Variants in CHN2 observed in about 807,000 individuals in gnomAD.
The protein encoded by CHN2 is beta-chimaerin.
In CHN2, 35 loss-of-function variants were observed where a neutral mutation model predicts 56.3. That is an observed-to-expected ratio of 0.62 (90% CI 0.47 to 0.82). The LOEUF is 0.82. Ranked by LOEUF, CHN2 falls within the 40% of genes least tolerant of loss-of-function variation. The pLI is 0.00. For missense variants in CHN2, 491 were observed against 580.5 expected (o/e 0.85, Z 1.58); for synonymous variants, 210 against 212.8 (o/e 0.99, Z 0.12).
intron 1 of CHN2, among the ~76,000 whole-genome samples, chr7:29,195,665 A>G (rs1783645331): frequency 6.8e-6 from 1 of 147,940 alleles, no homozygotes; most frequent in African/African-American, 2.5e-5. Flanking sequence ...AGAGAGAGAG[A>G]GAGACTCCTT....
In CHN2 at chr7:29,367,908, C is replaced by G. The variant is rs748783720; in HGVS notation, c.89-24C>G. 4 of 1,596,188 alleles carry G rather than the reference C, an allele frequency of 2.5e-6. No homozygotes were observed. In the South Asian group the frequency reaches 3.4e-5, roughly 13 times the overall value. On this transcript the variant is annotated intron_variant, in intron 2 of 12. Transcript: ENST00000222792. The stretch of plus-strand genomic sequence containing the variant: ...GTATTCTAATTCTAATTATTTCTCT[C>G]TCTCTCTCTCTCTTTTTTGGCAGTA...
At chr7:29,457,310 C>G (rs750357526) in intron 6 of CHN2, among the ~76,000 whole-genome samples, 3 of 152,124 alleles carry the variant, frequency 2.0e-5, no homozygotes, top group Non-Finnish European at 2.9e-5. Context: ...CAGAGAGTCA[C>G]GTCTGTGCTC....
In CHN2 at chr7:29,195,117, G is replaced by A. The variant is rs113736649; in HGVS notation, c.49+127G>A. The A allele has an allele frequency of 8.3e-4, 814 of 978,180 alleles. 5 individuals carry two copies. In the African/African-American group the frequency reaches 0.012, roughly 14 times the overall value. 60.6% of individuals were successfully genotyped at this position (978,180 alleles called of 1,614,324 possible). A position where few individuals can be genotyped will look rare whatever the true frequency, so the allele number is the denominator to read the frequency against. On this transcript the variant is annotated intron_variant, in intron 1 of 12. Coordinates refer to ENST00000222792, the MANE Select transcript of CHN2 (RefSeq NM_004067.4). ...CCGCTCTCTCGGAATGGGGGCAGGC[G>A]TCCGGGGTGATACTTGTTTGGTTCG...
chr7:29,407,793 A>G (rs1207270969), intron 6 of CHN2, among the ~76,000 whole-genome samples: 1 of 152,152 alleles, frequency 6.6e-6, no homozygotes, highest in African/African-American at 2.4e-5. Context: ...AGAATTCCCT[A>G]ATGATTTGGG....
chr7:29,229,196 G>A (rs376758270), intron 1 of CHN2, among the ~76,000 whole-genome samples: 1 of 152,168 alleles, frequency 6.6e-6, no homozygotes, highest in East Asian at 1.9e-4. Context: ...TGACAAAAGA[G>A]TAGCAGCTAG....
At chr7:29,471,360 G>C (rs1436074070) in intron 6 of CHN2, among the ~76,000 whole-genome samples, 2 of 152,282 alleles carry the variant, frequency 1.3e-5, no homozygotes, top group Admixed American at 6.5e-5. Flanking sequence ...TATCTAAAAA[G>C]TCTGTGAGAA....
At chr7:29,265,904 G>C (rs1243047558) in intron 1 of CHN2, among the ~76,000 whole-genome samples, 1 of 152,186 alleles carries the variant, frequency 6.6e-6, no homozygotes, top group Non-Finnish European at 1.5e-5. Context: ...GTCACCTCAA[G>C]AAGACCCAGT....
At chr7:29,506,624 G>A (rs1391696995) in intron 10 of CHN2, among the ~76,000 whole-genome samples, 1 of 152,148 alleles carries the variant, frequency 6.6e-6, no homozygotes, top group Non-Finnish European at 1.5e-5. Flanking sequence ...GCTACAGAGT[G>A]AGATTCTGTC....
In CHN2 at chr7:29,264,183, T is replaced by C. The variant is rs572314048; in HGVS notation, c.49+69193T>C. ...GGGGGCCCCCTCTGCCTGGCCGCCC[T>C]GTCTGGGAAGTGAGGAGCCCCTCTG... On this transcript the variant is annotated intron_variant, in intron 1 of 12. Transcript: ENST00000222792. Among the ~76,000 whole-genome samples, 58 of 117,740 alleles carry C rather than the reference T, an allele frequency of 4.9e-4. 1 individual carries two copies. In the East Asian group the frequency reaches 0.017, roughly 35 times the overall value. 77.2% of individuals were successfully genotyped at this position (117,740 alleles called of 152,430 possible). A position where few individuals can be genotyped will look rare whatever the true frequency, so the allele number is the denominator to read the frequency against.
chr7:29,400,696 A>G lies in CHN2; in HGVS notation c.444A>G (p.Thr148=). The change falls in exon 6 of 13, where the codon ACA becomes ACG. Residue 148 remains threonine (T), a synonymous_variant. Coordinates refer to ENST00000222792, the MANE Select transcript of CHN2 (RefSeq NM_004067.4). ...CTGCCGAGTACATTTCAAAAATGAC[A>G]ACTAACCCCATCTATGAACACATTG... ...TKAAEYISKM[T]TNPIYEHIGY... 6.2e-7 allele frequency: 1 copy of G among 1,614,204 alleles called. No homozygotes were observed. Among genetic ancestry groups the G allele is most frequent in the Non-Finnish European group, 8.5e-7 (1 of 1,180,038 alleles).
intron 1 of CHN2, among the ~76,000 whole-genome samples, chr7:29,203,656 C>A (rs1388462628): frequency 6.6e-6 from 1 of 152,078 alleles, no homozygotes. Context: ...AATGTTCTAA[C>A]CTTGATCGCA....
intron 1 of CHN2, among the ~76,000 whole-genome samples, chr7:29,218,966 TA>T (rs1018074014): frequency 2.4e-4 from 35 of 142,974 alleles, no homozygotes; most frequent in Non-Finnish European, 2.6e-4. Flanking sequence ...TAATATAATT[TA>T]AAAAAAAATA....
At chr7:29,310,382 A>G (rs1794503582) in intron 1 of CHN2, among the ~76,000 whole-genome samples, 1 of 152,230 alleles carries the variant, frequency 6.6e-6, no homozygotes, top group Non-Finnish European at 1.5e-5. Flanking sequence ...AGTGGGTACC[A>G]TATGATCCTG....
At chr7:29,420,528 TTCTG>T (rs992030939) in intron 6 of CHN2, among the ~76,000 whole-genome samples, 12 of 152,238 alleles carry the variant, frequency 7.9e-5, no homozygotes, top group South Asian at 4.1e-4. Flanking sequence ...GTCAGACATA[TTCTG>T]TCTAAGAATC....
intron 1 of CHN2, among the ~76,000 whole-genome samples, chr7:29,306,119 G>A (rs1210097975): frequency 6.6e-6 from 1 of 152,094 alleles, no homozygotes; most frequent in East Asian, 1.9e-4. Flanking sequence ...TCATAAGTTA[G>A]GGCCTATTTA....
chr7:29,507,382 A>G lies in CHN2; in HGVS notation c.1129+17A>G. 6.3e-7 allele frequency: 1 copy of G among 1,579,412 alleles called. No homozygotes were observed. Among genetic ancestry groups the G allele is most frequent in the Non-Finnish European group, 8.6e-7 (1 of 1,160,726 alleles). On this transcript the variant is annotated intron_variant, in intron 11 of 12. Coordinates refer to ENST00000222792, the MANE Select transcript of CHN2 (RefSeq NM_004067.4). ...ATGCAGCAAGTAAGTACTTCAAATT[A>G]ATTTTTTATTTCTACCAAATTTTTA... is the stretch of plus-strand genomic sequence containing the variant.
intron 8 of CHN2, among the ~76,000 whole-genome samples, chr7:29,498,064 T>C (rs1308544908): frequency 1.3e-5 from 2 of 152,190 alleles, no homozygotes; most frequent in African/African-American, 4.8e-5. Flanking sequence ...TATCAGAATT[T>C]AACAAAAAAA....
At chr7:29,262,942 A>G (rs1479586457) in intron 1 of CHN2, among the ~76,000 whole-genome samples, 2 of 150,406 alleles carry the variant, frequency 1.3e-5, no homozygotes, top group Non-Finnish European at 3.0e-5. Context: ...CTTAAAATAA[A>G]TCGTGAAGAT....
At chr7:29,279,253 T>G (rs1228905088) in intron 1 of CHN2, among the ~76,000 whole-genome samples, 1 of 152,224 alleles carries the variant, frequency 6.6e-6, no homozygotes, top group African/African-American at 2.4e-5. Context: ...GGAATTATGC[T>G]CCAACCCCCG....
Sources: gnomAD v4.1 joint callset for allele counts (sites outside exome capture counted in the v4.1 genomes callset) on GRCh38, gnomAD v4.1.1 for gene constraint, MANE v1.5 for transcripts, NCBI Gene and HGNC (gene_info 2026-07-23, HGNC 2026-07-21) for gene names.